RFX7: variants seen among roughly 807,000 people sequenced by gnomAD.
The protein encoded by RFX7 is regulatory factor X7.
Under a neutral mutation model 111.8 loss-of-function variants are expected in RFX7, and 26 were observed. The observed-to-expected ratio is 0.23, with a 90% confidence interval of 0.17 to 0.32. RFX7 has a LOEUF of 0.32. Ranked by LOEUF, RFX7 falls within the 10% of genes least tolerant of loss-of-function variation. The pLI, the probability that RFX7 is intolerant of heterozygous loss-of-function variation, is 1.00. For missense variants in RFX7, 1,573 were observed against 1,772.9 expected (o/e 0.89, Z 2.02); for synonymous variants, 624 against 624.4 (o/e 1.00, Z 0.01).
In RFX7 at chr15:56,087,347, C is replaced by G. The variant is rs2041539798; in HGVS notation, c.*5998G>C. Reference sequence around the variant, plus strand: ...CACATCCAGAGGTAAGCAGTCAGGACTAGTTGGGCATCTTCCCTTCCAAAG... The same window carrying G: ...CACATCCAGAGGTAAGCAGTCAGGAGTAGTTGGGCATCTTCCCTTCCAAAG... On this transcript the variant is annotated 3_prime_UTR_variant, in exon 10 of 10. Coordinates refer to ENST00000559447, the MANE Select transcript of RFX7 (RefSeq NM_022841.7). The G allele has an allele frequency of 2.2e-6, 1 of 450,102 alleles. No individual in the cohort carries two copies. Among genetic ancestry groups the G allele is most frequent in the Admixed American group, 2.4e-5 (1 of 42,164 alleles). The allele number at this position is 450,102 out of a possible 1,614,324, so 27.9% of individuals were successfully genotyped here. A position where few individuals can be genotyped will look rare whatever the true frequency, so the allele number is the denominator to read the frequency against.
intron 2 of RFX7, among the ~76,000 whole-genome samples, chr15:56,190,357 G>T (rs545405428): frequency 2.6e-5 from 4 of 152,144 alleles, no homozygotes; most frequent in Admixed American, 2.6e-4. Flanking sequence ...GATTGCTTAG[G>T]CTGAAGGAAA....
intron 2 of RFX7, among the ~76,000 whole-genome samples, chr15:56,240,760 G>A: frequency 6.6e-6 from 1 of 152,060 alleles, no homozygotes; most frequent in African/African-American, 2.4e-5. Context: ...AAAACTGATA[G>A]TCTCTCAGAA....
At chr15:56,197,188 C>T (rs1166183337) in intron 2 of RFX7, among the ~76,000 whole-genome samples, 1 of 152,120 alleles carries the variant, frequency 6.6e-6, no homozygotes, top group Non-Finnish European at 1.5e-5. Flanking sequence ...ATTGCCTACT[C>T]ATATCCTTTA....
chr15:56,129,123 C>A (rs759450281), intron 5 of RFX7, among the ~76,000 whole-genome samples: 1 of 152,116 alleles, frequency 6.6e-6, no homozygotes, highest in Non-Finnish European at 1.5e-5. Context: ...CGCCTGTAAT[C>A]CCAACACTTT....
intron 5 of RFX7, among the ~76,000 whole-genome samples, chr15:56,131,430 C>A (rs998908927): frequency 2.0e-5 from 3 of 152,040 alleles, no homozygotes; most frequent in Non-Finnish European, 4.4e-5. Context: ...CCATGCCCAG[C>A]TAATTTTTTG....
chr15:56,219,345 C>T (rs1193235861), intron 2 of RFX7, among the ~76,000 whole-genome samples: 1 of 152,034 alleles, frequency 6.6e-6, no homozygotes, highest in Non-Finnish European at 1.5e-5. Flanking sequence ...ATGTTTTTTC[C>T]ATCCTTTTAT....
chr15:56,100,859 ATTTT>A (rs1183187910), intron 8 of RFX7, among the ~76,000 whole-genome samples: 2 of 152,108 alleles, frequency 1.3e-5, no homozygotes, highest in African/African-American at 4.8e-5. Flanking sequence ...CACTCTTGTT[ATTTT>A]TTAGTAAGGC....
chr15:56,224,471 G>GTGTT (rs1211623012), intron 2 of RFX7, among the ~76,000 whole-genome samples: 5 of 150,998 alleles, frequency 3.3e-5, no homozygotes, highest in African/African-American at 1.2e-4. Flanking sequence ...AGGATTTTGT[G>GTGTT]TGTGTGTGTG....
intron 2 of RFX7, among the ~76,000 whole-genome samples, chr15:56,211,744 A>T (rs1208925626): frequency 2.0e-5 from 3 of 152,154 alleles, no homozygotes; most frequent in African/African-American, 7.2e-5. Flanking sequence ...TTCACCGAAG[A>T]TGTACAGATG....
rs2041659559 is a variant in RFX7 at position 56,095,399 on chromosome 15, A to G, written c.2329T>C (p.Phe777Leu). 1 of 1,613,422 alleles carries G rather than the reference A, an allele frequency of 6.2e-7. No individual in the cohort carries two copies. Among genetic ancestry groups the G allele is most frequent in the African/African-American group, 1.3e-5 (1 of 74,938 alleles). The stretch of plus-strand genomic sequence containing the variant: ...ATTTGTTGCCATCCATTTGGATTAA[A>G]GCTGCCAACTGACTTTGAATCACTG... ...LDSDSKSVGS[F>L]NPNGWQQITK... The change falls in exon 10 of 10, where the codon TTT (phenylalanine) becomes CTT (leucine). Residue 777 changes from phenylalanine (F) to leucine (L), a missense_variant. Transcript: ENST00000559447.
chr15:56,179,413 A>G (rs1311600651), intron 2 of RFX7, 110 bp from the exon 3 acceptor site: 1 of 354,552 alleles, frequency 2.8e-6, no homozygotes, highest in African/African-American at 2.3e-5. Flanking sequence ...AAAAATAAAT[A>G]CAGCTTCCTA....
At chr15:56,112,116 GAAA>G (rs754438474) in intron 5 of RFX7, among the ~76,000 whole-genome samples, 9 of 95,748 alleles carry the variant, frequency 9.4e-5, no homozygotes, top group African/African-American at 3.5e-4. Flanking sequence ...CTTTGCCCCA[GAAA>G]AAAAAAAAAA....
rs372668554 is a variant in RFX7, at chr15:56,165,932, C to T, written c.195+13338G>A. On this transcript the variant is annotated intron_variant, in intron 3 of 9. Transcript: ENST00000559447. The stretch of plus-strand genomic sequence containing the variant: ...GCAGCCAGGTGATAGGACAGGGTCT[C>T]ATTCTGTCACCCAGGCTGGAGTGCA... 1.6e-4 allele frequency among the ~76,000 whole-genome samples: 25 copies of T among 152,270 alleles called. No homozygotes were observed. The East Asian group carries it at 1.7e-3, about 11-fold the overall frequency.
intron 5 of RFX7, among the ~76,000 whole-genome samples, chr15:56,129,142 G>A (rs111952486): frequency 1.4e-4 from 21 of 152,238 alleles, no homozygotes; most frequent in Admixed American, 5.9e-4. Context: ...TTGGGAGGCC[G>A]AAGTGGGTGT....
chr15:56,141,157 G>A (rs1229070299), intron 5 of RFX7, among the ~76,000 whole-genome samples: 2 of 151,892 alleles, frequency 1.3e-5, no homozygotes, highest in African/African-American at 2.4e-5. Context: ...CTCAGTTTGG[G>A]CAATGGTAAA....
chr15:56,145,952 A>T (rs2042462215), intron 3 of RFX7, among the ~76,000 whole-genome samples: 1 of 152,256 alleles, frequency 6.6e-6, no homozygotes, highest in South Asian at 2.1e-4. Context: ...CAATACAACA[A>T]AGATGAACAA....
intron 3 of RFX7, among the ~76,000 whole-genome samples, chr15:56,160,550 T>C (rs1181864676): frequency 6.6e-6 from 1 of 151,946 alleles, no homozygotes; most frequent in Non-Finnish European, 1.5e-5. Context: ...AAATACTAAT[T>C]TTTCCCCCCT....
chr15:56,175,139 A>G (rs78752679), intron 3 of RFX7, among the ~76,000 whole-genome samples: 2,331 of 152,336 alleles, frequency 0.015, 31 homozygotes, highest in Non-Finnish European at 0.023. Flanking sequence ...CAAGATCACT[A>G]TAACTATTAG....
At chr15:56,098,055 G>T (rs1454850615) in intron 9 of RFX7, 26 bp downstream of exon 9, 1 of 1,605,278 alleles carries the variant, frequency 6.2e-7, no homozygotes, top group Admixed American at 1.7e-5. Flanking sequence ...ATCCCAATAA[G>T]GCCAAATACT....
Sources: gnomAD v4.1 joint callset for allele counts (sites outside exome capture counted in the v4.1 genomes callset) on GRCh38, gnomAD v4.1.1 for gene constraint, MANE v1.5 for transcripts, NCBI Gene and HGNC (gene_info 2026-07-23, HGNC 2026-07-21) for gene names.